The following TERB2 variants were observed in gnomAD, a reference collection of about 807,000 sequenced individuals.
TERB2 encodes the protein telomere repeat binding bouquet formation protein 2.
TERB2 carries 26 observed loss-of-function variants against 29.8 expected under a neutral mutation model. That is an observed-to-expected ratio of 0.87 (90% CI 0.64 to 1.21). TERB2 has a LOEUF of 1.21. Ranked by LOEUF, TERB2 falls within the 50% of genes most tolerant of loss-of-function variation. The pLI is 0.00. For missense variants in TERB2, 240 were observed against 268.6 expected, an observed-to-expected ratio of 0.89 and a Z score of 0.74; for synonymous variants, 80 against 90.8, an observed-to-expected ratio of 0.88 and a Z score of 0.68.
intron 4 of TERB2, among the ~76,000 whole-genome samples, chr15:44,964,213 C>T (rs865885296): frequency 2.6e-5 from 4 of 152,026 alleles, no homozygotes; most frequent in South Asian, 2.1e-4. Flanking sequence ...ACTTCAAACC[C>T]ACAGCCATAT....
chr15:44,969,667 T>C (rs1595477917), intron 5 of TERB2, among the ~76,000 whole-genome samples: 1 of 151,536 alleles, frequency 6.6e-6, no homozygotes, highest in African/African-American at 2.4e-5. Context: ...AGTGGTGTAC[T>C]CCTGTAGTCC....
chr15:44,963,186 A>T lies in TERB2; in HGVS notation c.348+1602A>T, dbSNP rs530170834. Among the ~76,000 whole-genome samples, 16 of 152,328 alleles carry T rather than the reference A, an allele frequency of 1.1e-4. No individual in the cohort carries two copies. In the East Asian group the frequency reaches 1.2e-3, roughly 11 times the overall value. On this transcript the variant is annotated intron_variant, in intron 4 of 6. Coordinates refer to ENST00000340827, the MANE Select transcript of TERB2 (RefSeq NM_152448.3). ...TCTCAAATTATCACCCACAGATTGA[A>T]TATTAGTTACAAAGTAAAACAGCGT...
intron 3 of TERB2, among the ~76,000 whole-genome samples, chr15:44,960,106 T>C (rs1223162397): frequency 6.6e-6 from 1 of 152,286 alleles, no homozygotes; most frequent in African/African-American, 2.4e-5. Flanking sequence ...ATGGCTGTGA[T>C]TTAATTTATC....
Position 44,958,423 on chromosome 15 carries a change from C to G in TERB2, c.197C>G (p.Ala66Gly), listed in dbSNP as rs1566944092. 2 of 1,613,930 alleles carry G rather than the reference C, an allele frequency of 1.2e-6. No individual in the cohort carries two copies. Among genetic ancestry groups the G allele is most frequent in the African/African-American group, 1.3e-5 (1 of 75,012 alleles). Residue 66 changes from alanine to glycine, a missense_variant, in exon 3 of 7, where the codon GCC becomes GGC. Physicochemically the swap from Ala to Gly is moderately conservative, Grantham distance 60. Coordinates refer to ENST00000340827, the MANE Select transcript of TERB2 (RefSeq NM_152448.3). ...YIEDNATVFH[A>G]YYLSAVANAK... ...GAAGATAATGCTACAGTTTTTCATG[C>G]CTACTATCTCTCTGCGGTAGCTAAT... is the stretch of plus-strand genomic sequence containing the variant.
rs774302897 is a variant in TERB2, at chr15:44,956,687, C to T, written c.-32C>T. 6.4e-6 allele frequency: 10 copies of T among 1,567,130 alleles called. No individual in the cohort carries two copies. In the African/African-American group the frequency reaches 1.2e-4, roughly 19 times the overall value. ...TCAGGGATCTCAGCTCTGCGGCCTC[C>T]TCTCTCACATCTCCACAGGCTTGGC... On this transcript the variant is annotated 5_prime_UTR_variant, in exon 1 of 7. Transcript: ENST00000340827.
intron 4 of TERB2, among the ~76,000 whole-genome samples, chr15:44,964,917 T>C (rs1313150590): frequency 6.6e-6 from 1 of 151,752 alleles, no homozygotes; most frequent in Non-Finnish European, 1.5e-5. Flanking sequence ...ATCCTGGCAT[T>C]TTGGGAGGCT....
At chr15:44,975,627 C>T (rs1429130696) in intron 6 of TERB2, among the ~76,000 whole-genome samples, 2 of 152,058 alleles carry the variant, frequency 1.3e-5, no homozygotes, top group Middle Eastern at 3.4e-3. Flanking sequence ...TTTGTTTGGG[C>T]GAGGGTAGAT....
intron 2 of TERB2, 126 bp downstream of exon 2, chr15:44,957,103 A>C: frequency 1.0e-6 from 1 of 984,148 alleles, no homozygotes. Flanking sequence ...AATCCCAGCT[A>C]CTGGGAAGAC....
chr15:44,974,643 ATATT>A (rs1035861379), intron 6 of TERB2, among the ~76,000 whole-genome samples: 11 of 152,316 alleles, frequency 7.2e-5, no homozygotes, highest in Middle Eastern at 3.4e-3. Context: ...AGTGAGATGG[ATATT>A]TAGATACTTT....
At chr15:44,977,228 G>A (rs912584462) in intron 6 of TERB2, among the ~76,000 whole-genome samples, 3 of 152,002 alleles carry the variant, frequency 2.0e-5, no homozygotes, top group Non-Finnish European at 4.4e-5. Context: ...CGGATGATAC[G>A]GCAATGTCCT....
intron 4 of TERB2, among the ~76,000 whole-genome samples, chr15:44,963,221 A>G (rs1226759610): frequency 2.0e-5 from 3 of 152,232 alleles, no homozygotes; most frequent in East Asian, 3.8e-4. Context: ...TATCTTTACA[A>G]TGGAGCGATC....
chr15:44,963,020 T>G (rs911377000), intron 4 of TERB2: 2 of 151,506 alleles, frequency 1.3e-5, no homozygotes, highest in African/African-American at 4.9e-5. Flanking sequence ...AAGATAAGGG[T>G]GGGAGAAGGA....
At chr15:44,959,138 A>G (rs1475612371) in intron 3 of TERB2, among the ~76,000 whole-genome samples, 1 of 152,038 alleles carries the variant, frequency 6.6e-6, no homozygotes, top group African/African-American at 2.4e-5. Context: ...TTATTTTTCT[A>G]ATTTTTTCTT....
chr15:44,968,512 G>A (rs1236946242), intron 5 of TERB2, among the ~76,000 whole-genome samples: 2 of 151,332 alleles, frequency 1.3e-5, no homozygotes, highest in African/African-American at 2.4e-5. Flanking sequence ...TAAACCACCC[G>A]TGCCTGGCCG....
intron 5 of TERB2, among the ~76,000 whole-genome samples, chr15:44,968,773 T>A (rs1239416750): frequency 1.3e-5 from 2 of 151,830 alleles, no homozygotes; most frequent in East Asian, 3.9e-4. Flanking sequence ...GGCCTAGAAT[T>A]TGTTACTTTT....
intron 5 of TERB2, among the ~76,000 whole-genome samples, chr15:44,971,981 CTTTTTTT>C (rs71111900): frequency 1.5e-5 from 1 of 66,334 alleles, no homozygotes; most frequent in South Asian, 6.3e-4. Flanking sequence ...GAAATAGAAG[CTTTTTTT>C]TTTTTTTTTT....
At chr15:44,962,907 C>A (rs1340074463) in intron 4 of TERB2, 2 of 151,902 alleles carry the variant, frequency 1.3e-5, no homozygotes, top group African/African-American at 4.8e-5. Context: ...AGATGACACG[C>A]AAATTCGTGA....
intron 5 of TERB2, among the ~76,000 whole-genome samples, chr15:44,966,796 T>TA (rs1350158699): frequency 1.3e-5 from 2 of 152,186 alleles, no homozygotes; most frequent in African/African-American, 4.8e-5. Flanking sequence ...TTTAATATAT[T>TA]ACGTTGGTTT....
intron 5 of TERB2, among the ~76,000 whole-genome samples, chr15:44,968,634 C>A: frequency 7.0e-6 from 1 of 142,516 alleles, no homozygotes. Context: ...CACTCTGACC[C>A]CCAGGGGTGG....
Sources: gnomAD v4.1 joint callset for allele counts (sites outside exome capture counted in the v4.1 genomes callset) on GRCh38, gnomAD v4.1.1 for gene constraint, MANE v1.5 for transcripts, NCBI Gene and HGNC (gene_info 2026-07-23, HGNC 2026-07-21) for gene names.